PCSK5: variants seen among roughly 807,000 people sequenced by gnomAD.
PCSK5 encodes the protein proprotein convertase subtilisin/kexin type 5, also known as prohormone convertase 5.
Under a neutral mutation model 233.2 loss-of-function variants are expected in PCSK5, and 129 were observed. The observed-to-expected ratio is 0.55, with a 90% CI of 0.48 to 0.64. The LOEUF (loss-of-function observed/expected upper bound fraction) is 0.64. Ranked by LOEUF, PCSK5 falls within the 30% of genes least tolerant of loss-of-function variation. PCSK5 has a pLI of 0.00. For synonymous variants in PCSK5, 825 were observed against 879.2 expected (o/e 0.94, Z 1.09); for missense variants, 2,076 against 2,430.1 (o/e 0.85, Z 3.06).
intron 2 of PCSK5, among the ~76,000 whole-genome samples, chr9:75,959,407 C>T (rs989773005): frequency 3.3e-5 from 5 of 152,120 alleles, no homozygotes; most frequent in Non-Finnish European, 5.9e-5. Flanking sequence ...ATGTCACAGA[C>T]GGCTGCTTGT....
chr9:76,229,324 G>C (rs527561931), intron 21 of PCSK5, among the ~76,000 whole-genome samples: 1 of 152,300 alleles, frequency 6.6e-6, no homozygotes, highest in South Asian at 2.1e-4. Flanking sequence ...TGTTTAATAA[G>C]GCAGCTACCA....
chr9:76,147,510 C>G (rs961482250), intron 10 of PCSK5, among the ~76,000 whole-genome samples: 1 of 152,158 alleles, frequency 6.6e-6, no homozygotes, highest in Non-Finnish European at 1.5e-5. Flanking sequence ...CCCGGACCAA[C>G]AATATACCAG....
At chr9:75,962,926 C>T (rs1297988675) in intron 2 of PCSK5, among the ~76,000 whole-genome samples, 1 of 152,128 alleles carries the variant, frequency 6.6e-6, no homozygotes, top group African/African-American at 2.4e-5. Flanking sequence ...GTTCTGGAGT[C>T]AGATCTTGCC....
At chr9:76,322,918 C>G in intron 31 of PCSK5, 134 bp from the exon 32 acceptor site, 1 of 621,426 alleles carries the variant, frequency 1.6e-6, no homozygotes, top group Non-Finnish European at 2.9e-6. Flanking sequence ...TATGCCCTGG[C>G]AGGGTGGGTA....
chr9:75,970,858 A>G (rs1015518148), intron 2 of PCSK5, among the ~76,000 whole-genome samples: 15 of 152,114 alleles, frequency 9.9e-5, no homozygotes, highest in African/African-American at 3.6e-4. Flanking sequence ...TCCTGAGCTC[A>G]TGCAGTCTGC....
chr9:76,259,978 A>G (rs906350616), intron 24 of PCSK5, among the ~76,000 whole-genome samples: 1 of 152,070 alleles, frequency 6.6e-6, no homozygotes, highest in Non-Finnish European at 1.5e-5. Flanking sequence ...ACTTCTCCCT[A>G]TTTAGCCAGG....
chr9:76,341,066 A>T (rs920366402), intron 35 of PCSK5, among the ~76,000 whole-genome samples: 17 of 151,530 alleles, frequency 1.1e-4, no homozygotes, highest in African/African-American at 3.9e-4. Flanking sequence ...AAAAAAAAAA[A>T]ATACAAAAAT....
chr9:76,180,091 A>ATATATG (rs1256363738), intron 15 of PCSK5, among the ~76,000 whole-genome samples: 1 of 135,672 alleles, frequency 7.4e-6, no homozygotes, highest in Non-Finnish European at 1.5e-5. Context: ...GTGTGTGTAT[A>ATATATG]TATATATATA....
rs1195203751 is a variant in PCSK5 at position 76,360,942 on chromosome 9, G to A, written c.*2020G>A. The stretch of plus-strand genomic sequence containing the variant: ...CACAGCATTACAAGAACAGGTGGTG[G>A]GTCAGATTTGGCCAACAGGCTGTAC... On this transcript the variant is annotated 3_prime_UTR_variant, in exon 38 of 38. Transcript: ENST00000674117. 6.6e-6 allele frequency: 1 copy of A among 151,850 alleles called. No individual in the cohort carries two copies. Among genetic ancestry groups the A allele is most frequent in the Non-Finnish European group, 1.5e-5 (1 of 67,968 alleles). 9.4% of individuals were successfully genotyped at this position (151,850 alleles called of 1,614,324 possible).
At chr9:76,017,653 C>T (rs1339317636) in intron 3 of PCSK5, among the ~76,000 whole-genome samples, 2 of 152,090 alleles carry the variant, frequency 1.3e-5, no homozygotes, top group Non-Finnish European at 2.9e-5. Context: ...ATGTATTGGG[C>T]TTCCATGGGA....
intron 9 of PCSK5, among the ~76,000 whole-genome samples, chr9:76,125,101 A>G (rs1264397235): frequency 6.6e-6 from 1 of 151,970 alleles, no homozygotes; most frequent in East Asian, 1.9e-4. Context: ...CTTTGTTTAA[A>G]AAAATTATTC....
At chr9:76,144,944 G>A (rs187125549) in intron 10 of PCSK5, among the ~76,000 whole-genome samples, 1 of 152,118 alleles carries the variant, frequency 6.6e-6, no homozygotes, top group Non-Finnish European at 1.5e-5. Flanking sequence ...TGGCCAACAT[G>A]GTGAAACCCC....
At chr9:75,974,760 A>G (rs1433380757) in intron 2 of PCSK5, among the ~76,000 whole-genome samples, 2 of 152,144 alleles carry the variant, frequency 1.3e-5, no homozygotes, top group Non-Finnish European at 2.9e-5. Context: ...GTCTTCATTC[A>G]CACTCCTCCT....
At position 76,310,700 on chromosome 9, in the gene PCSK5, G is replaced by A; in HGVS notation, c.3733G>A (p.Gly1245Ser). 6.2e-7 allele frequency: 1 copy of A among 1,608,390 alleles called. No homozygotes were observed. The highest frequency in any genetic ancestry group is 1.1e-5 in the South Asian group (1 of 90,134). ...AQACVSSCPQ[G>S]TWPSVRSGSC... ...GGCCTGTGTTTCCTCCTGTCCCCAA[G>A]GCACATGGCCTTCCGTAAGGAGTGG... Residue 1245 changes from glycine to serine, a missense_variant, in exon 30 of 38, where the codon GGC (glycine) becomes AGC (serine). Gly to Ser is a moderately conservative substitution (Grantham distance 56). Transcript: ENST00000674117.
At chr9:76,064,175 G>T (rs1193636001) in intron 5 of PCSK5, among the ~76,000 whole-genome samples, 3 of 127,614 alleles carry the variant, frequency 2.4e-5, no homozygotes, top group African/African-American at 3.5e-5. Context: ...CGGCTGGCCA[G>T]GCGGGGGGCT....
intron 7 of PCSK5, among the ~76,000 whole-genome samples, chr9:76,082,652 A>G (rs921765450): frequency 2.6e-5 from 4 of 151,996 alleles, no homozygotes; most frequent in Admixed American, 2.0e-4. Context: ...AGAGCAGAGT[A>G]AACAGCCCAC....
At chr9:76,055,521 T>A (rs1245516068) in intron 5 of PCSK5, among the ~76,000 whole-genome samples, 1 of 152,174 alleles carries the variant, frequency 6.6e-6, no homozygotes, top group African/African-American at 2.4e-5. Context: ...TTATTATTAT[T>A]TCCTTCTTGT....
At chr9:76,129,848 G>T (rs1822685699) in intron 9 of PCSK5, among the ~76,000 whole-genome samples, 1 of 152,110 alleles carries the variant, frequency 6.6e-6, no homozygotes, top group Non-Finnish European at 1.5e-5. Context: ...ACTCTGAACT[G>T]CTCAGAGTAA....
intron 5 of PCSK5, among the ~76,000 whole-genome samples, chr9:76,057,276 T>G (rs1324936745): frequency 6.6e-6 from 1 of 152,214 alleles, no homozygotes; most frequent in Non-Finnish European, 1.5e-5. Context: ...ATCTTGTTCA[T>G]ACACTTGAAC....
Sources: gnomAD v4.1 joint callset for allele counts (sites outside exome capture counted in the v4.1 genomes callset) on GRCh38, gnomAD v4.1.1 for gene constraint, MANE v1.5 for transcripts, NCBI Gene and HGNC (gene_info 2026-07-23, HGNC 2026-07-21) for gene names.